Variants in SPRED2 observed in about 807,000 individuals in gnomAD.
SPRED2 encodes the protein sprouty related EVH1 domain containing 2, also known as sprouty-related, EVH1 domain-containing protein 2.
SPRED2 carries 47 observed loss-of-function variants against 43.0 expected under a neutral mutation model. The observed-to-expected ratio is 1.09, with a 90% CI of 0.87 to 1.40. SPRED2 has a LOEUF of 1.40. Ranked by LOEUF, SPRED2 falls within the 40% of genes most tolerant of loss-of-function variation. SPRED2 has a pLI of 0.00. For synonymous variants in SPRED2, 225 were observed against 225.7 expected (o/e 1.00, Z 0.03); for missense variants, 561 against 586.4 (o/e 0.96, Z 0.45).
At position 65,314,081 on chromosome 2, in the gene SPRED2, G is replaced by A. The variant is rs754327382; in HGVS notation, c.677C>T (p.Thr226Met). The A allele has an allele frequency of 6.2e-7, 1 of 1,613,894 alleles. No homozygotes were observed. Among genetic ancestry groups the A allele is most frequent in the African/African-American group, 1.3e-5 (1 of 75,040 alleles). Residue 226 changes from threonine (T) to methionine (M), a missense_variant, in exon 6 of 6, where the codon ACG becomes ATG. Physicochemically the swap from Thr to Met is moderately conservative, Grantham distance 81. Transcript: ENST00000356388. ...TGCGTGCCGGTAATCCTCGTACCCC[G>A]TCATCCAGATCTTCTCCCGGGGGTT... ...RINPREKIWM[T>M]GYEDYRHAPV...
At chr2:65,427,616 A>T (rs1676587398) in intron 1 of SPRED2, among the ~76,000 whole-genome samples, 1 of 152,248 alleles carries the variant, frequency 6.6e-6, no homozygotes, top group Non-Finnish European at 1.5e-5. Flanking sequence ...TGTATCACAG[A>T]ATTCTCAAGC....
chr2:65,322,706 T>A (rs1481122091), intron 4 of SPRED2, among the ~76,000 whole-genome samples: 1 of 152,230 alleles, frequency 6.6e-6, no homozygotes, highest in Admixed American at 6.5e-5. Flanking sequence ...TGAACCTGAC[T>A]TTGATAGAAT....
intron 1 of SPRED2, among the ~76,000 whole-genome samples, chr2:65,406,600 GGTTTTGGGAA>G (rs1250549394): frequency 6.6e-6 from 1 of 152,214 alleles, no homozygotes; most frequent in African/African-American, 2.4e-5. Context: ...CTCTGGGGGA[GGTTTTGGGAA>G]GTAGGGGTGG....
intron 1 of SPRED2, among the ~76,000 whole-genome samples, chr2:65,413,596 G>C (rs1284070046): frequency 6.6e-6 from 1 of 152,198 alleles, no homozygotes; most frequent in South Asian, 2.1e-4. Flanking sequence ...GATTAGAGCT[G>C]CATACCCAAG....
rs538371609 is a variant in SPRED2, at chr2:65,329,593, G to A, written c.438+2394C>T. Among the ~76,000 whole-genome samples, 5 of 152,254 alleles carry A rather than the reference G, an allele frequency of 3.3e-5. No homozygotes were observed. In the South Asian group the frequency reaches 8.3e-4, roughly 25 times the overall value. On this transcript the variant is annotated intron_variant, in intron 4 of 5. Transcript: ENST00000356388. ...GCCTAGAGTAGCACATGGATCCCCC[G>A]TGGATTAAAGGACAAAACCAGGAGG... is the stretch of plus-strand genomic sequence containing the variant.
chr2:65,352,488 CTA>C (rs1480871261), intron 1 of SPRED2, among the ~76,000 whole-genome samples: 4 of 152,340 alleles, frequency 2.6e-5, no homozygotes, highest in Admixed American at 6.5e-5. Flanking sequence ...GCACTATGCT[CTA>C]TGTTTATCAA....
At chr2:65,407,245 C>CTATTTTTTT (rs1676046322) in intron 1 of SPRED2, among the ~76,000 whole-genome samples, 1 of 120,968 alleles carries the variant, frequency 8.3e-6, no homozygotes, top group Non-Finnish European at 1.6e-5. Flanking sequence ...GCGCTGGCTC[C>CTATTTTTTT]TTTTTTTTTT....
chr2:65,324,204 C>A (rs1000344238), intron 4 of SPRED2, among the ~76,000 whole-genome samples: 5 of 152,108 alleles, frequency 3.3e-5, no homozygotes, highest in Non-Finnish European at 7.4e-5. Context: ...TCTATAGACA[C>A]AGGCTGTACT....
At chr2:65,404,355 A>G (rs1479442132) in intron 1 of SPRED2, among the ~76,000 whole-genome samples, 1 of 152,176 alleles carries the variant, frequency 6.6e-6, no homozygotes, top group Non-Finnish European at 1.5e-5. Context: ...AACCATATAT[A>G]TTACATGTAT....
intron 2 of SPRED2, among the ~76,000 whole-genome samples, chr2:65,336,310 G>T (rs1247934824): frequency 6.6e-6 from 1 of 152,088 alleles, no homozygotes. Context: ...AGCTGAGAAG[G>T]TGCACCACTA....
At chr2:65,378,001 T>G (rs555965093) in intron 1 of SPRED2, 1 of 253,050 alleles carries the variant, frequency 4.0e-6, no homozygotes, top group African/African-American at 2.2e-5. Flanking sequence ...CAATTAGCAT[T>G]TCCTCTGTAA....
intron 1 of SPRED2, among the ~76,000 whole-genome samples, chr2:65,362,728 C>G (rs958171618): frequency 8.6e-5 from 13 of 151,910 alleles, no homozygotes; most frequent in Non-Finnish European, 1.8e-4. Context: ...CGTGGTGGTG[C>G]ATGTCTGTAA....
At chr2:65,310,458 TACACACACAC>T (rs55916427), downstream of SPRED2, among the ~76,000 whole-genome samples, 4,520 of 137,970 alleles carry the variant, frequency 0.033, 76 homozygotes, top group African/African-American at 0.046. Context: ...TCCTCCAAAC[TACACACACAC>T]ACACACACAC....
chr2:65,338,830 C>T (rs1438595027), intron 2 of SPRED2, among the ~76,000 whole-genome samples: 1 of 151,208 alleles, frequency 6.6e-6, no homozygotes, highest in Non-Finnish European at 1.5e-5. Context: ...TCTGCCCGGC[C>T]GCCATCCCAC....
chr2:65,317,238 C>T (rs140526825), intron 4 of SPRED2, among the ~76,000 whole-genome samples: 6 of 152,118 alleles, frequency 3.9e-5, no homozygotes, highest in African/African-American at 7.2e-5. Context: ...CCTGGCCAGG[C>T]GCGGGGGCTC....
At chr2:65,362,078 AAGAG>A (rs1558668984) in intron 1 of SPRED2, among the ~76,000 whole-genome samples, 3 of 152,230 alleles carry the variant, frequency 2.0e-5, no homozygotes. Context: ...GAAATCAAGA[AAGAG>A]ATAGTAATCT....
At chr2:65,394,364 C>T (rs372895994) in intron 1 of SPRED2, among the ~76,000 whole-genome samples, 271 of 152,300 alleles carry the variant, frequency 1.8e-3, no homozygotes, top group Non-Finnish European at 3.5e-3. Flanking sequence ...TGGCTGCTGG[C>T]GCCCTGCACA....
chr2:65,370,140 A>G (rs192420467), intron 1 of SPRED2, among the ~76,000 whole-genome samples: 1 of 152,314 alleles, frequency 6.6e-6, no homozygotes, highest in Non-Finnish European at 1.5e-5. Context: ...CTTGTTCCAA[A>G]TTCAACCTTG....
intron 1 of SPRED2, among the ~76,000 whole-genome samples, chr2:65,370,377 G>C (rs1210789548): frequency 1.3e-5 from 2 of 152,260 alleles, no homozygotes; most frequent in Admixed American, 1.3e-4. Flanking sequence ...CTCAGAGGTG[G>C]GCAAATTATG....
Sources: allele counts gnomAD v4.1 joint callset (sites outside exome capture counted in the v4.1 genomes callset), GRCh38; gene constraint gnomAD v4.1.1; transcripts MANE v1.5; gene names NCBI Gene and HGNC (gene_info 2026-07-23, HGNC 2026-07-21).